CADM2: variants seen among roughly 807,000 people sequenced by gnomAD.
CADM2 encodes the protein cell adhesion molecule 2, also known as immunoglobulin superfamily member 4D.
In CADM2, 12 loss-of-function variants were observed where a neutral mutation model predicts 49.8. The observed-to-expected ratio is 0.24, with a 90% CI of 0.15 to 0.39. The LOEUF is 0.39. Among genes scored for constraint, CADM2 ranks in the 10% least tolerant of loss-of-function variants. CADM2 has a pLI of 1.00. For missense variants in CADM2, 378 were observed against 492.3 expected (o/e 0.77, Z 2.20); for synonymous variants, 214 against 175.4 (o/e 1.22, Z -1.74).
intron 1 of CADM2, among the ~76,000 whole-genome samples, chr3:85,238,623 CGTTTGTTCTG>C (rs1437352724): frequency 1.3e-5 from 2 of 151,818 alleles, no homozygotes; most frequent in Non-Finnish European, 2.9e-5. Context: ...TTGACTAGAA[CGTTTGTTCTG>C]ATGAAGTAAT....
chr3:85,639,389 C>A (rs534125444), intron 1 of CADM2, among the ~76,000 whole-genome samples: 1 of 152,114 alleles, frequency 6.6e-6, no homozygotes, highest in Non-Finnish European at 1.5e-5. Context: ...CATCTGACAT[C>A]GGGCATGAAA....
intron 1 of CADM2, among the ~76,000 whole-genome samples, chr3:84,991,903 C>G (rs2032911448): frequency 6.6e-6 from 1 of 152,102 alleles, no homozygotes; most frequent in African/African-American, 2.4e-5. Flanking sequence ...TCTGAAAAGG[C>G]TACACATTGC....
intron 1 of CADM2, among the ~76,000 whole-genome samples, chr3:85,253,920 A>G (rs1470579152): frequency 2.0e-5 from 3 of 152,094 alleles, no homozygotes; most frequent in South Asian, 4.1e-4. Context: ...CTGACATCAG[A>G]TTCTCCAGGG....
At chr3:85,945,026 G>A (rs150415163) in intron 7 of CADM2, among the ~76,000 whole-genome samples, 32,893 of 151,646 alleles carry the variant, frequency 0.22, 4,036 homozygotes, top group African/African-American at 0.34. Flanking sequence ...TAAATAGACC[G>A]CTAGCAAGAC....
chr3:85,107,860 C>T (rs1432466433), intron 1 of CADM2, among the ~76,000 whole-genome samples: 1 of 151,662 alleles, frequency 6.6e-6, no homozygotes, highest in African/African-American at 2.4e-5. Context: ...CCATCACACC[C>T]AGCTAATTTT....
At chr3:85,747,430 A>G (rs1339917488) in intron 2 of CADM2, among the ~76,000 whole-genome samples, 2 of 152,134 alleles carry the variant, frequency 1.3e-5, no homozygotes, top group Non-Finnish European at 2.9e-5. Flanking sequence ...ATATAAATAA[A>G]TTGTCTGCCC....
At position 85,568,444 on chromosome 3, in the gene CADM2, T is replaced by TTTCA. The variant is rs1553743605; in HGVS notation, c.62-158075_62-158074insATTC. On this transcript the variant is annotated intron_variant, in intron 1 of 9. Coordinates refer to ENST00000383699, the MANE Select transcript of CADM2 (RefSeq NM_001167675.2). The stretch of plus-strand genomic sequence containing the variant: ...CTTTCTTTCTTTCTTTCTTTCTTTC[T>TTTCA]TTCTTTCTTTCTTTCTTTCTCTTTC... Among the ~76,000 whole-genome samples the TTTCA allele has an allele frequency of 8.5e-4, 32 of 37,810 alleles. 1 individual carries two copies. In the East Asian group the frequency reaches 0.032, roughly 38 times the overall value. The allele number at this position is 37,810 out of a possible 152,430, so 24.8% of individuals were successfully genotyped here.
At chr3:85,436,705 G>T (rs2036948285) in intron 1 of CADM2, among the ~76,000 whole-genome samples, 1 of 152,048 alleles carries the variant, frequency 6.6e-6, no homozygotes, top group South Asian at 2.1e-4. Flanking sequence ...TTTTATTTTA[G>T]CAATTTTAAG....
At chr3:85,653,735 C>T (rs568415341) in intron 1 of CADM2, among the ~76,000 whole-genome samples, 51 of 152,180 alleles carry the variant, frequency 3.4e-4, no homozygotes, top group African/African-American at 1.2e-3. Flanking sequence ...GCGTATACGG[C>T]ATCACCTAGG....
intron 8 of CADM2, among the ~76,000 whole-genome samples, chr3:86,033,756 T>C (rs1184264396): frequency 6.8e-6 from 1 of 146,396 alleles, no homozygotes; most frequent in African/African-American, 2.5e-5. Flanking sequence ...TAAAGAAATA[T>C]ATATATATAC....
In CADM2 at chr3:85,267,821, T is replaced by G. The variant is rs373132043; in HGVS notation, c.61+308153T>G. 3.0e-4 allele frequency among the ~76,000 whole-genome samples: 46 copies of G among 151,742 alleles called. No homozygotes were observed. The East Asian group carries it at 3.3e-3, about 11-fold the overall frequency. ...TCTAGAATCAAAGGTTTAAAATATT[T>G]TCTTGGAAATAGGCAGAATACATTT... On this transcript the variant is annotated intron_variant, in intron 1 of 9. Transcript: ENST00000383699.
intron 7 of CADM2, among the ~76,000 whole-genome samples, chr3:85,960,030 T>C (rs1236259329): frequency 1.3e-5 from 2 of 151,880 alleles, no homozygotes; most frequent in Non-Finnish European, 2.9e-5. Context: ...CCACTATCTA[T>C]TGGGGCTTCA....
At chr3:85,945,759 G>C (rs959707129) in intron 7 of CADM2, among the ~76,000 whole-genome samples, 1 of 152,020 alleles carries the variant, frequency 6.6e-6, no homozygotes, top group African/African-American at 2.4e-5. Flanking sequence ...CAATAAATTA[G>C]GTATTGATGG....
At chr3:85,789,941 C>A (rs1010075290) in intron 2 of CADM2, among the ~76,000 whole-genome samples, 3 of 152,058 alleles carry the variant, frequency 2.0e-5, no homozygotes, top group African/African-American at 7.2e-5. Flanking sequence ...CTTTAAAAAT[C>A]TGATAATGTT....
chr3:85,625,116 C>G (rs1465406943), intron 1 of CADM2, among the ~76,000 whole-genome samples: 1 of 151,974 alleles, frequency 6.6e-6, no homozygotes, highest in Non-Finnish European at 1.5e-5. Flanking sequence ...TAATACTACC[C>G]CTGTGACCTG....
intron 1 of CADM2, among the ~76,000 whole-genome samples, chr3:85,515,631 A>ATATTTTTTT (rs1159969286): frequency 3.4e-5 from 4 of 118,406 alleles, no homozygotes; most frequent in African/African-American, 1.3e-4. Context: ...ATATATATAT[A>ATATTTTTTT]TTTTTTTTTT....
intron 2 of CADM2, among the ~76,000 whole-genome samples, chr3:85,791,130 C>A (rs949877554): frequency 6.6e-6 from 1 of 152,134 alleles, no homozygotes; most frequent in African/African-American, 2.4e-5. Context: ...GAGGGGCATT[C>A]CAAAAGTGGA....
At chr3:86,038,484 C>T (rs1361151110) in intron 8 of CADM2, among the ~76,000 whole-genome samples, 1 of 152,154 alleles carries the variant, frequency 6.6e-6, no homozygotes, top group African/African-American at 2.4e-5. Context: ...CCAATTAATC[C>T]TCTTGTTTGC....
At position 85,057,951 on chromosome 3, in the gene CADM2, A is replaced by C. The variant is rs1243337582; in HGVS notation, c.61+98283A>C. ...TTTTTCATAAAATATTTTACTGTAG[A>C]ATTTTCCCGATGGTAGGTATTAGAC... On this transcript the variant is annotated intron_variant, in intron 1 of 9. Transcript: ENST00000383699. Among the ~76,000 whole-genome samples, 3 of 152,164 alleles carry C rather than the reference A, an allele frequency of 2.0e-5. No individual in the cohort carries two copies. The East Asian group carries it at 5.8e-4, about 29-fold the overall frequency.
Sources: allele counts gnomAD v4.1 joint callset (sites outside exome capture counted in the v4.1 genomes callset), GRCh38; gene constraint gnomAD v4.1.1; transcripts MANE v1.5; gene names NCBI Gene and HGNC (gene_info 2026-07-23, HGNC 2026-07-21).